MSR1: variants seen among roughly 807,000 people sequenced by gnomAD.
The protein encoded by MSR1 is macrophage scavenger receptor 1, also known as macrophage scavenger receptor types I and II.
MSR1 carries 53 observed loss-of-function variants against 47.2 expected under a neutral mutation model. The ratio of observed to expected loss-of-function variants is 1.12; its 90% CI spans 0.90 to 1.41. MSR1 has a LOEUF of 1.41. Among genes scored for constraint, MSR1 ranks in the 40% most tolerant of loss-of-function variants. The pLI, the probability that MSR1 is intolerant of heterozygous loss-of-function variation, is 0.00. For missense variants in MSR1, 786 were observed against 546.9 expected (o/e 1.44, Z -4.36); for synonymous variants, 239 against 185.6 (o/e 1.29, Z -2.34).
chr8:16,113,809 T>G (rs946425164), intron 9 of MSR1, among the ~76,000 whole-genome samples: 6 of 152,122 alleles, frequency 3.9e-5, no homozygotes, highest in African/African-American at 1.4e-4. Flanking sequence ...TATAAAGGAC[T>G]TGGAAGGATG....
intron 9 of MSR1, among the ~76,000 whole-genome samples, chr8:16,116,377 A>G (rs1021355864): frequency 1.3e-5 from 2 of 152,188 alleles, no homozygotes; most frequent in Non-Finnish European, 2.9e-5. Context: ...TAGATGCTGA[A>G]AAAATGTAAA....
At position 16,192,013 on chromosome 8, in the gene MSR1, C is replaced by T. The variant is rs1030678423; in HGVS notation, c.-5+585G>A. Among the ~76,000 whole-genome samples the T allele has an allele frequency of 5.9e-5, 9 of 152,242 alleles. 1 individual carries two copies. In the East Asian group the frequency reaches 1.7e-3, roughly 29 times the overall value. Reference sequence around the variant, plus strand: ...TAGTACTTTCATACTACTTAAGGTGCTCAAATTACATTATGCCTATTTGGG... The same window carrying T: ...TAGTACTTTCATACTACTTAAGGTGTTCAAATTACATTATGCCTATTTGGG... On this transcript the variant is annotated intron_variant, in intron 1 of 9. Transcript: ENST00000262101.
chr8:16,131,772 G>A (rs1800266040), intron 8 of MSR1, among the ~76,000 whole-genome samples: 1 of 151,900 alleles, frequency 6.6e-6, no homozygotes, highest in South Asian at 2.1e-4. Flanking sequence ...TATCGGCTTT[G>A]TCAAAGATCA....
chr8:16,156,615 G>T (rs889377461), intron 5 of MSR1, among the ~76,000 whole-genome samples: 1 of 151,800 alleles, frequency 6.6e-6, no homozygotes, highest in South Asian at 2.1e-4. Context: ...AAACATAAAA[G>T]CCTAGAAAAA....
intron 8 of MSR1, among the ~76,000 whole-genome samples, chr8:16,126,129 C>T (rs1014382042): frequency 1.4e-4 from 21 of 151,802 alleles, no homozygotes; most frequent in African/African-American, 3.6e-4. Context: ...ATACCTGAAC[C>T]CTGCACAAAT....
chr8:16,175,669 T>C (rs1019178070), intron 2 of MSR1, among the ~76,000 whole-genome samples: 4 of 152,196 alleles, frequency 2.6e-5, no homozygotes, highest in Middle Eastern at 6.3e-3. Context: ...GACAATAAAA[T>C]TTTCTAAAGT....
In MSR1 at chr8:16,109,883, A is replaced by C. The variant is rs964453564; in HGVS notation, c.*202T>G. 1 of 632,130 alleles carries C rather than the reference A, an allele frequency of 1.6e-6. No homozygotes were observed. The highest frequency in any genetic ancestry group is 2.1e-5 in the South Asian group (1 of 47,244). 39.2% of individuals were successfully genotyped at this position (632,130 alleles called of 1,614,324 possible). A position where few individuals can be genotyped will look rare whatever the true frequency, so the allele number is the denominator to read the frequency against. ...TTATATTAGAAAATTCCATTTAAAAACCTATAGAAGTTAAAATGATTTAAA... is the reference window on the plus strand; with the variant it reads ...TTATATTAGAAAATTCCATTTAAAACCCTATAGAAGTTAAAATGATTTAAA... On this transcript the variant is annotated 3_prime_UTR_variant, in exon 10 of 10. Transcript: ENST00000262101.
At chr8:16,113,583 C>A (rs998082742) in intron 9 of MSR1, among the ~76,000 whole-genome samples, 1 of 152,100 alleles carries the variant, frequency 6.6e-6, no homozygotes, top group Non-Finnish European at 1.5e-5. Flanking sequence ...AAGTTGAAAA[C>A]ACCTTGGGAA....
At chr8:16,160,780 T>G (rs1801138668) in intron 5 of MSR1, among the ~76,000 whole-genome samples, 2 of 152,014 alleles carry the variant, frequency 1.3e-5, no homozygotes, top group Non-Finnish European at 2.9e-5. Context: ...GCACTTTTTC[T>G]ATATTAACTT....
At chr8:16,149,887 G>C (rs1467010709) in intron 7 of MSR1, among the ~76,000 whole-genome samples, 2 of 151,476 alleles carry the variant, frequency 1.3e-5, no homozygotes, top group African/African-American at 4.9e-5. Flanking sequence ...ATCATTGTTA[G>C]TGATGATTTA....
chr8:16,140,025 C>T, intron 8 of MSR1: 1 of 752,906 alleles, frequency 1.3e-6, no homozygotes, highest in Non-Finnish European at 1.6e-6. Flanking sequence ...AAACCAGAGA[C>T]AATTATCTCT....
chr8:16,133,221 T>C (rs927580702), intron 8 of MSR1, among the ~76,000 whole-genome samples: 3 of 152,214 alleles, frequency 2.0e-5, no homozygotes, highest in Non-Finnish European at 2.9e-5. Context: ...TAGGTGATGA[T>C]ACTAGCCATT....
chr8:16,191,395 G>T (rs1802195944), intron 1 of MSR1, among the ~76,000 whole-genome samples: 1 of 152,042 alleles, frequency 6.6e-6, no homozygotes, highest in East Asian at 1.9e-4. Flanking sequence ...ACTTTCTTTA[G>T]ATATGTAAAA....
At chr8:16,111,797 T>C (rs1227905774) in intron 9 of MSR1, among the ~76,000 whole-genome samples, 1 of 151,982 alleles carries the variant, frequency 6.6e-6, no homozygotes, top group Non-Finnish European at 1.5e-5. Context: ...TGAATGCCAT[T>C]ATTGTGTCAT....
intron 4 of MSR1, among the ~76,000 whole-genome samples, chr8:16,166,528 T>G (rs909754740): frequency 1.3e-5 from 2 of 152,024 alleles, no homozygotes; most frequent in African/African-American, 4.8e-5. Flanking sequence ...CAAATTTCAG[T>G]GGAAATTATT....
At chr8:16,189,825 T>C (rs1802142598) in intron 1 of MSR1, among the ~76,000 whole-genome samples, 1 of 144,728 alleles carries the variant, frequency 6.9e-6, no homozygotes, top group African/African-American at 2.5e-5. Flanking sequence ...CAGCCATTTT[T>C]CTAAAATATA....
chr8:16,142,279 C>T (rs1405017515), intron 8 of MSR1, among the ~76,000 whole-genome samples: 3 of 152,016 alleles, frequency 2.0e-5, no homozygotes, highest in East Asian at 1.9e-4. Flanking sequence ...TGCAGTGAGC[C>T]GAGATGGTGC....
At chr8:16,125,028 G>T (rs1477594690) in intron 8 of MSR1, among the ~76,000 whole-genome samples, 1 of 151,710 alleles carries the variant, frequency 6.6e-6, no homozygotes, top group East Asian at 1.9e-4. Context: ...AAACATAAGT[G>T]TTTTTATGGA....
chr8:16,120,925 G>T, intron 8 of MSR1: 2 of 367,868 alleles, frequency 5.4e-6, no homozygotes, highest in South Asian at 5.6e-5. Flanking sequence ...TTGTCACTTA[G>T]ATTTTTTCAT....
Sources: allele counts gnomAD v4.1 joint callset (sites outside exome capture counted in the v4.1 genomes callset), GRCh38; gene constraint gnomAD v4.1.1; transcripts MANE v1.5; gene names NCBI Gene and HGNC (gene_info 2026-07-23, HGNC 2026-07-21).